ZNF226: variants seen among roughly 807,000 people sequenced by gnomAD.
The protein encoded by ZNF226 is zinc finger protein 226, also known as Kruppel-associated box protein.
A neutral mutation model predicts 11.4 loss-of-function variants in ZNF226; 6 were observed. That is an observed-to-expected ratio of 0.53 (90% confidence interval 0.29 to 1.04). ZNF226 has a LOEUF of 1.04. ZNF226 is among the 50% of genes least tolerant of loss of function. The pLI is 0.08. For synonymous variants in ZNF226, 350 were observed against 322.8 expected, an observed-to-expected ratio of 1.08 and a Z score of -0.90; for missense variants, 1,058 against 956.5, an observed-to-expected ratio of 1.11 and a Z score of -1.40.
At chr19:44,174,633 G>GT (rs796352938) in intron 5 of ZNF226, 493 of 171,232 alleles carry the variant, frequency 2.9e-3, no homozygotes, top group Middle Eastern at 5.3e-3. Context: ...TACTTTATCT[G>GT]TTTTTTTTTC....
the ZNF226 span, among the ~76,000 whole-genome samples, chr19:44,191,777 C>A: frequency 6.6e-6 from 1 of 151,260 alleles, no homozygotes; most frequent in South Asian, 2.1e-4. Flanking sequence ...AAAAAAAAAA[C>A]CTTAATTCTT....
rs2122386138 is a variant in ZNF226, at chr19:44,172,145, C to T, written c.73C>T (p.Leu25=). 1 of 1,613,262 alleles carries T rather than the reference C, an allele frequency of 6.2e-7. No individual in the cohort carries two copies. Among genetic ancestry groups the T allele is most frequent in the East Asian group, 2.2e-5 (1 of 44,832 alleles). ...CTTCACGGAGGAGGAATTGGGGCTGCTGGGCCCTGCCCAGAGGAAGCTGTA... is the reference window on the plus strand; with the variant it reads ...CTTCACGGAGGAGGAATTGGGGCTGTTGGGCCCTGCCCAGAGGAAGCTGTA... ...VAFTEEELGL[L]GPAQRKLYRD... The change falls in exon 4 of 6, where the codon CTG becomes TTG. Residue 25 remains leucine, a synonymous_variant. Coordinates refer to ENST00000337433, the MANE Select transcript of ZNF226 (RefSeq NM_001032373.2).
chr19:44,175,624 A>T lies in ZNF226; in HGVS notation c.362A>T (p.Asn121Ile). The T allele has an allele frequency of 6.2e-7, 1 of 1,613,940 alleles. No individual in the cohort carries two copies. Among genetic ancestry groups the T allele is most frequent in the Non-Finnish European group, 8.5e-7 (1 of 1,179,846 alleles). Residue 121 changes from asparagine to isoleucine, a missense_variant, in exon 6 of 6, where the codon AAT (asparagine) becomes ATT (isoleucine). Physicochemically the swap from Asn to Ile is moderately radical, Grantham distance 149. Coordinates refer to ENST00000337433, the MANE Select transcript of ZNF226 (RefSeq NM_001032373.2). ...AGGTGTCAAGACTCCATGATCAATA[A>T]TTCTCAGTGTCACAAACAAGGTGAT... ...LTRCQDSMIN[N>I]SQCHKQGDFP...
rs376553934 is a variant in ZNF226 at position 44,176,980 on chromosome 19, G to A, written c.1718G>A (p.Arg573Gln). The change falls in exon 6 of 6, where the codon CGA becomes CAA. Residue 573 changes from arginine to glutamine, a missense_variant. By Grantham distance (43) the Arg-to-Gln change is conservative (BLOSUM62 1). Coordinates refer to ENST00000337433, the MANE Select transcript of ZNF226 (RefSeq NM_001032373.2). The part of the protein sequence containing the change: ...ECGQGFNQSS[R>Q]LQIHQLIHTG... Reference sequence around the variant, plus strand: ...GGGCAGGGTTTCAATCAGAGCTCACGACTTCAGATTCACCAGCTGATCCAT... The same window carrying A: ...GGGCAGGGTTTCAATCAGAGCTCACAACTTCAGATTCACCAGCTGATCCAT... 1.6e-5 allele frequency: 26 copies of A among 1,613,570 alleles called. No homozygotes were observed. The highest frequency in any genetic ancestry group is 1.6e-4 in the African/African-American group (12 of 74,816).
Position 44,176,747 on chromosome 19 carries a change from A to G in ZNF226, c.1485A>G (p.Arg495=), listed in dbSNP as rs751478221. The change falls in exon 6 of 6, where the codon AGA becomes AGG. Residue 495 remains arginine, a synonymous_variant. Coordinates refer to ENST00000337433, the MANE Select transcript of ZNF226 (RefSeq NM_001032373.2). ...GTTCAAATCTTCAAGCCCATCAGAG[A>G]GTCCACACTGGAGAGAAGCCATACA... The part of the protein sequence containing the change: ...TLSSNLQAHQ[R]VHTGEKPYKC... 1.7e-5 allele frequency: 27 copies of G among 1,614,066 alleles called. No individual in the cohort carries two copies. In the East Asian group the frequency reaches 5.8e-4, roughly 35 times the overall value.
At chr19:44,193,866 TG>T in the ZNF226 span, among the ~76,000 whole-genome samples, 2 of 152,222 alleles carry the variant, frequency 1.3e-5, no homozygotes, top group African/African-American at 4.8e-5. Context: ...TAAATGTGCA[TG>T]AGAAAGGACC....
rs1329668243 is a variant in ZNF226 at position 44,176,253 on chromosome 19, A to T, written c.991A>T (p.Ile331Leu). The T allele has an allele frequency of 6.2e-7, 1 of 1,614,158 alleles. No individual in the cohort carries two copies. The highest frequency in any genetic ancestry group is 8.5e-7 in the Non-Finnish European group (1 of 1,180,016). ...ACAGACCCATCAGAAAGTCCACGTG[A>T]TAGAGAAACCATACAAATGTAAGCA... ...HLQTHQKVHV[I>L]EKPYKCKQCG... is the part of the protein sequence containing the mutation. The change falls in exon 6 of 6, where the codon ATA becomes TTA. Residue 331 changes from isoleucine (I) to leucine (L), a missense_variant. By Grantham distance (5) the Ile-to-Leu change is conservative (BLOSUM62 2). Coordinates refer to ENST00000337433, the MANE Select transcript of ZNF226 (RefSeq NM_001032373.2).
At chr19:44,172,050 A>G (rs1331820900) in intron 3 of ZNF226, 38 bp from the exon 4 acceptor site, 18 of 1,598,736 alleles carry the variant, frequency 1.1e-5, no homozygotes, top group Middle Eastern at 1.7e-4. Context: ...TCTAGTGGAC[A>G]TTGGTTGTAA....
rs1448081237 is a variant in ZNF226 at position 44,172,969 on chromosome 19, T to TA, written c.235+18dup. On this transcript the variant is annotated intron_variant, in intron 5 of 5. Transcript: ENST00000337433. ...GAAATTTAGGTAAAAACCAAACAGT[T>TA]ATGAGTTCTTATAGTTAACTGTCCA... 6.4e-7 allele frequency: 1 copy of TA among 1,568,994 alleles called. No homozygotes were observed. The highest frequency in any genetic ancestry group is 8.7e-7 in the Non-Finnish European group (1 of 1,154,846).
At chr19:44,177,872 T>G (rs976690903), downstream of ZNF226, 5 of 552,998 alleles carry the variant, frequency 9.0e-6, no homozygotes, top group Non-Finnish European at 1.5e-5. Flanking sequence ...AGAGTGAAAT[T>G]TTTCTCAGGC....
At chr19:44,190,396 C>T in the ZNF226 span, among the ~76,000 whole-genome samples, 9 of 152,134 alleles carry the variant, frequency 5.9e-5, no homozygotes, top group South Asian at 2.1e-4. Context: ...TACAGTGGCG[C>T]GATCTCGGCT....
chr19:44,185,465 C>T, the ZNF226 span, among the ~76,000 whole-genome samples: 1 of 152,188 alleles, frequency 6.6e-6, no homozygotes, highest in South Asian at 2.1e-4. Flanking sequence ...GGTGATATCT[C>T]ATTACAGTTT....
At chr19:44,187,148 C>T in the ZNF226 span, among the ~76,000 whole-genome samples, 2 of 151,762 alleles carry the variant, frequency 1.3e-5, no homozygotes, top group African/African-American at 4.8e-5. The surrounding 1 kb of genome is among the most constrained non-coding windows in gnomAD (Gnocchi z 4.0). Flanking sequence ...TGAGAGTGTT[C>T]CTTCCTCTTC....
chr19:44,188,876 G>C, the ZNF226 span, among the ~76,000 whole-genome samples: 1 of 152,174 alleles, frequency 6.6e-6, no homozygotes, highest in African/African-American at 2.4e-5. Context: ...GGTAAATGAA[G>C]ACAAGAGTTT....
the ZNF226 span, among the ~76,000 whole-genome samples, chr19:44,198,756 T>C: frequency 6.6e-6 from 1 of 152,230 alleles, no homozygotes; most frequent in South Asian, 2.1e-4. Flanking sequence ...CTCTGTTGGA[T>C]AGATAAGATT....
Position 44,170,090 on chromosome 19 carries a change from T to C in ZNF226, c.10T>C (p.Phe4Leu). ...GAAGGAAGAATTAAAAATGAATATGTTCAAGGTGAGTAGAGCTTGCCTTTC... is the reference window on the plus strand; with the variant it reads ...GAAGGAAGAATTAAAAATGAATATGCTCAAGGTGAGTAGAGCTTGCCTTTC... MNM[F>L]KEAVTFKDVA... Residue 4 changes from phenylalanine to leucine, a missense_variant, in exon 3 of 6, where the codon TTC becomes CTC. Transcript: ENST00000337433. 6.2e-7 allele frequency: 1 copy of C among 1,612,860 alleles called. No homozygotes were observed. The highest frequency in any genetic ancestry group is 1.3e-5 in the African/African-American group (1 of 75,034).
At chr19:44,195,153 A>C in the ZNF226 span, among the ~76,000 whole-genome samples, 2 of 152,242 alleles carry the variant, frequency 1.3e-5, no homozygotes, top group South Asian at 4.1e-4. Context: ...CTTTCCAGAA[A>C]AGACAAAAAG....
chr19:44,198,497 G>T, the ZNF226 span, among the ~76,000 whole-genome samples: 1 of 152,182 alleles, frequency 6.6e-6, no homozygotes, highest in African/African-American at 2.4e-5. Context: ...TGTCATGATT[G>T]TTTAATTTTC....
chr19:44,197,916 A>G, the ZNF226 span, among the ~76,000 whole-genome samples: 1 of 152,212 alleles, frequency 6.6e-6, no homozygotes, highest in South Asian at 2.1e-4. Context: ...CGTTGCCAAC[A>G]TTAGAGAAGG....
Sources: allele counts gnomAD v4.1 joint callset (sites outside exome capture counted in the v4.1 genomes callset), GRCh38; gene constraint gnomAD v4.1.1; non-coding constraint Gnocchi (gnomAD v3.1); transcripts MANE v1.5; gene names NCBI Gene and HGNC (gene_info 2026-07-23, HGNC 2026-07-21).